The following GRM1 variants were observed in gnomAD, a reference collection of about 807,000 sequenced individuals.
The protein encoded by GRM1 is metabotropic glutamate receptor 1.
A neutral mutation model predicts 90.9 loss-of-function variants in GRM1; 33 were observed. The observed-to-expected ratio is 0.36, with a 90% CI of 0.28 to 0.49. GRM1 has a LOEUF of 0.49. Ranked by LOEUF, GRM1 falls within the 20% of genes least tolerant of loss-of-function variation. The pLI, the probability that GRM1 is intolerant of heterozygous loss-of-function variation, is 0.99. For synonymous variants in GRM1, 700 were observed against 613.2 expected, an observed-to-expected ratio of 1.14 and a Z score of -2.09; for missense variants, 1,190 against 1,534.3, an observed-to-expected ratio of 0.78 and a Z score of 3.75.
chr6:146,201,653 T>A (rs1192865423), intron 2 of GRM1, among the ~76,000 whole-genome samples: 1 of 152,242 alleles, frequency 6.6e-6, no homozygotes, highest in Non-Finnish European at 1.5e-5. Flanking sequence ...GGATTATGGC[T>A]TTAGCATAAG....
chr6:146,309,294 G>T (rs987360079), intron 3 of GRM1, among the ~76,000 whole-genome samples: 1 of 151,866 alleles, frequency 6.6e-6, no homozygotes, highest in South Asian at 2.1e-4. Context: ...AGCTACTCGG[G>T]AGGCTGAGGC....
chr6:146,356,134 C>T (rs1785573660), intron 4 of GRM1, among the ~76,000 whole-genome samples: 2 of 152,118 alleles, frequency 1.3e-5, no homozygotes, highest in South Asian at 4.2e-4. Flanking sequence ...CAAAGTTGTT[C>T]TCCAGTATTC....
intron 2 of GRM1, among the ~76,000 whole-genome samples, chr6:146,300,411 A>T (rs1206999705): frequency 1.3e-5 from 2 of 152,208 alleles, no homozygotes; most frequent in African/African-American, 2.4e-5. Flanking sequence ...TTAATATTAG[A>T]ATGTATAAGA....
chr6:146,261,271 A>G (rs1781686369), intron 2 of GRM1, among the ~76,000 whole-genome samples: 1 of 152,142 alleles, frequency 6.6e-6, no homozygotes, highest in Non-Finnish European at 1.5e-5. Flanking sequence ...AGTGGGTGTT[A>G]TGCAATGGGG....
intron 2 of GRM1, among the ~76,000 whole-genome samples, chr6:146,277,196 A>AAT: frequency 6.6e-6 from 1 of 152,328 alleles, no homozygotes; most frequent in Non-Finnish European, 1.5e-5. Flanking sequence ...TGAATTCTGT[A>AAT]ATATGAGTGT....
chr6:146,049,524 C>G (rs975377396), intron 1 of GRM1, among the ~76,000 whole-genome samples: 4 of 151,952 alleles, frequency 2.6e-5, no homozygotes, highest in Non-Finnish European at 4.4e-5. Flanking sequence ...CCCTGGTTCT[C>G]AGGCCTTTGG....
chr6:146,202,858 T>A (rs976206157), intron 2 of GRM1, among the ~76,000 whole-genome samples: 1 of 152,174 alleles, frequency 6.6e-6, no homozygotes, highest in Admixed American at 6.5e-5. Flanking sequence ...TTCTGTCTGA[T>A]AGCATTTTAT....
At chr6:146,275,540 CT>C (rs1362289272) in intron 2 of GRM1, among the ~76,000 whole-genome samples, 4 of 152,058 alleles carry the variant, frequency 2.6e-5, no homozygotes, top group South Asian at 2.1e-4. Flanking sequence ...CTCTCTCCCC[CT>C]ATCTCTTTCT....
chr6:146,360,779 A>G (rs759694368), intron 5 of GRM1, among the ~76,000 whole-genome samples: 6 of 152,218 alleles, frequency 3.9e-5, no homozygotes, highest in Non-Finnish European at 8.8e-5. Flanking sequence ...CTATGCAAGG[A>G]TTAATTGCTA....
At chr6:146,215,153 C>A (rs901283131) in intron 2 of GRM1, among the ~76,000 whole-genome samples, 2 of 152,098 alleles carry the variant, frequency 1.3e-5, no homozygotes, top group Admixed American at 6.6e-5. Context: ...ACCATTTTTG[C>A]CTTTAAATAG....
chr6:146,169,292 A>G (rs9497467), intron 2 of GRM1, among the ~76,000 whole-genome samples: 37,746 of 151,848 alleles, frequency 0.25, 8,174 homozygotes, highest in African/African-American at 0.59. Flanking sequence ...TTTACTTTCT[A>G]TTTCTTTTCT....
chr6:146,265,120 T>G (rs1425915129), intron 2 of GRM1, among the ~76,000 whole-genome samples: 1 of 152,178 alleles, frequency 6.6e-6, no homozygotes, highest in Non-Finnish European at 1.5e-5. Flanking sequence ...CTGTTTTTCA[T>G]AGAGGTTATA....
intron 2 of GRM1, among the ~76,000 whole-genome samples, chr6:146,176,491 G>T (rs1209805484): frequency 6.6e-6 from 1 of 151,990 alleles, no homozygotes; most frequent in East Asian, 1.9e-4. Flanking sequence ...AAGACTCAGA[G>T]ATCTTAACAT....
chr6:146,357,436 C>T, intron 4 of GRM1, 90 bp from the exon 5 acceptor site: 1 of 1,051,916 alleles, frequency 9.5e-7, no homozygotes. Flanking sequence ...CTAGCTTTCT[C>T]TTGTTTCTAT....
chr6:146,421,207 A>G (rs1284383002), intron 7 of GRM1, among the ~76,000 whole-genome samples: 1 of 152,140 alleles, frequency 6.6e-6, no homozygotes, highest in Non-Finnish European at 1.5e-5. Context: ...TCTCCCATTA[A>G]CAATGTTTAT....
At chr6:146,151,280 T>C (rs982623765) in intron 1 of GRM1, among the ~76,000 whole-genome samples, 5 of 152,216 alleles carry the variant, frequency 3.3e-5, no homozygotes, top group African/African-American at 1.2e-4. Context: ...AACAAATATC[T>C]ACATATTTTC....
intron 2 of GRM1, among the ~76,000 whole-genome samples, chr6:146,160,063 C>G (rs1175074052): frequency 2.6e-5 from 4 of 151,456 alleles, no homozygotes; most frequent in Admixed American, 2.0e-4. Context: ...GTTTCACTTG[C>G]TTTCTCCACA....
chr6:146,304,488 A>G (rs1330399072), intron 2 of GRM1, 123 bp from the exon 3 acceptor site: 1 of 753,680 alleles, frequency 1.3e-6, no homozygotes, highest in Non-Finnish European at 2.4e-6. Flanking sequence ...GTTGATGGGT[A>G]GTAATGCTGG....
chr6:146,337,767 A>G (rs909020277), intron 3 of GRM1, among the ~76,000 whole-genome samples: 1 of 152,228 alleles, frequency 6.6e-6, no homozygotes, highest in African/African-American at 2.4e-5. Flanking sequence ...AAATACTATA[A>G]TAAATGTTAT....
Sources: gnomAD v4.1 joint callset for allele counts (sites outside exome capture counted in the v4.1 genomes callset) on GRCh38, gnomAD v4.1.1 for gene constraint, MANE v1.5 for transcripts, NCBI Gene and HGNC (gene_info 2026-07-23, HGNC 2026-07-21) for gene names.